Variants in SLCO6A1 observed in about 807,000 individuals in gnomAD.
SLCO6A1 encodes the protein cancer/testis antigen 48.
Under a neutral mutation model 72.7 loss-of-function variants are expected in SLCO6A1, and 65 were observed. The ratio of observed to expected loss-of-function variants is 0.89; its 90% CI spans 0.73 to 1.10. The LOEUF is 1.10. Ranked by LOEUF, SLCO6A1 falls within the 50% of genes least tolerant of loss-of-function variation. SLCO6A1 has a pLI of 0.00. For synonymous variants in SLCO6A1, 314 were observed against 298.2 expected (o/e 1.05, Z -0.55); for missense variants, 874 against 872.6 (o/e 1.00, Z -0.02).
chr5:102,389,457 C>CCAA (rs34181415), intron 11 of SLCO6A1, among the ~76,000 whole-genome samples: 1 of 83,404 alleles, frequency 1.2e-5, no homozygotes, highest in African/African-American at 4.7e-5. Flanking sequence ...CCCCCACCCC[C>CCAA]ACACACACAG....
intron 6 of SLCO6A1, among the ~76,000 whole-genome samples, chr5:102,443,712 A>G (rs1749961324): frequency 6.6e-6 from 1 of 152,226 alleles, no homozygotes; most frequent in Non-Finnish European, 1.5e-5. Context: ...TAAGAATGCC[A>G]TAGATTTCCT....
intron 4 of SLCO6A1, among the ~76,000 whole-genome samples, chr5:102,467,170 C>A (rs1420464035): frequency 6.6e-6 from 1 of 152,036 alleles, no homozygotes; most frequent in East Asian, 1.9e-4. Context: ...AGTCTTTAAT[C>A]CATCTTGAGT....
chr5:102,375,368 T>C (rs1479360938), intron 12 of SLCO6A1, among the ~76,000 whole-genome samples: 6 of 152,158 alleles, frequency 3.9e-5, no homozygotes, highest in African/African-American at 1.4e-4. Flanking sequence ...TAGCCACCAG[T>C]TGAGTCAGAA....
intron 1 of SLCO6A1, among the ~76,000 whole-genome samples, chr5:102,483,399 T>C (rs533595181): frequency 2.0e-5 from 3 of 152,258 alleles, no homozygotes; most frequent in South Asian, 2.1e-4. Context: ...ACTTCTACCA[T>C]TGAAAAATCA....
Position 102,388,681 on chromosome 5 carries a change from C to T in SLCO6A1, c.2017+7G>A, listed in dbSNP as rs1335607716. ...TTTCTCTAAGTTTTTTAATAAGTAT[C>T]ACTTACATATTCCTACCAATAAGAA... On this transcript the variant is annotated splice_region_variant and intron_variant, in intron 12 of 13. Transcript: ENST00000506729. 3 of 1,534,408 alleles carry T rather than the reference C, an allele frequency of 2.0e-6. No homozygotes were observed. Among genetic ancestry groups the T allele is most frequent in the Admixed American group, 4.3e-5 (2 of 46,118 alleles).
chr5:102,452,940 T>G (rs1440426981), intron 6 of SLCO6A1, among the ~76,000 whole-genome samples: 1 of 152,196 alleles, frequency 6.6e-6, no homozygotes, highest in African/African-American at 2.4e-5. Flanking sequence ...CCAAATGGCA[T>G]GAACCATGAG....
chr5:102,498,877 C>G lies in SLCO6A1; in HGVS notation c.-33G>C. Reference sequence around the variant, plus strand: ...CCTGGGCGGCTCCTGGCGACGCGGCCCGAGTGCTCTCGGCTGCCCGTCCTG... The same window carrying G: ...CCTGGGCGGCTCCTGGCGACGCGGCGCGAGTGCTCTCGGCTGCCCGTCCTG... On this transcript the variant is annotated 5_prime_UTR_variant, in exon 1 of 14. Transcript: ENST00000506729. The G allele has an allele frequency of 6.4e-7, 1 of 1,570,080 alleles. No individual in the cohort carries two copies. Among genetic ancestry groups the G allele is most frequent in the Non-Finnish European group, 8.6e-7 (1 of 1,159,974 alleles).
At chr5:102,446,184 T>C (rs10044030) in intron 6 of SLCO6A1, among the ~76,000 whole-genome samples, 71,857 of 152,096 alleles carry the variant, frequency 0.47, 18,707 homozygotes, top group Non-Finnish European at 0.57. Flanking sequence ...TTAACTATAT[T>C]GATTCTTCCT....
chr5:102,483,083 C>T lies in SLCO6A1; in HGVS notation c.359-2649G>A, dbSNP rs73191405. ...TCACTATAAATAAGACCCCATTGAA[C>T]AAGAGATAGAATGGCTAGGGAAAGA... On this transcript the variant is annotated intron_variant, in intron 1 of 13. Coordinates refer to ENST00000506729, the MANE Select transcript of SLCO6A1 (RefSeq NM_173488.5). Among the ~76,000 whole-genome samples the T allele has an allele frequency of 7.8e-3, 1,194 of 152,234 alleles. 16 individuals are homozygous for T. The highest frequency in any genetic ancestry group is 0.027 in the African/African-American group (1,137 of 41,536).
intron 12 of SLCO6A1, among the ~76,000 whole-genome samples, chr5:102,385,229 A>C (rs1340060272): frequency 6.6e-6 from 1 of 152,034 alleles, no homozygotes; most frequent in East Asian, 1.9e-4. Flanking sequence ...TGCTTTCAAA[A>C]TTCTCTCTTG....
chr5:102,469,749 G>C (rs975466200), intron 4 of SLCO6A1, among the ~76,000 whole-genome samples: 3 of 152,124 alleles, frequency 2.0e-5, no homozygotes, highest in African/African-American at 7.2e-5. Context: ...TTTTCAAAGG[G>C]AATGCTTCCA....
At chr5:102,391,217 T>C in intron 10 of SLCO6A1, 172 bp from the exon 11 acceptor site, 1 of 599,568 alleles carries the variant, frequency 1.7e-6, no homozygotes, top group Non-Finnish European at 2.9e-6. Flanking sequence ...ACTCCCCATT[T>C]CTCCATATCC....
At chr5:102,442,392 C>G (rs180716174) in intron 6 of SLCO6A1, among the ~76,000 whole-genome samples, 5 of 152,070 alleles carry the variant, frequency 3.3e-5, no homozygotes, top group Admixed American at 6.5e-5. Context: ...TATCTGTAAA[C>G]GAGAAACAAT....
intron 12 of SLCO6A1, among the ~76,000 whole-genome samples, chr5:102,383,095 A>ATGTATATATATATATAT (rs1554064835): frequency 4.7e-5 from 6 of 128,572 alleles, no homozygotes; most frequent in African/African-American, 1.8e-4. Context: ...TATGTGTGTG[A>ATGTATATATATATATAT]ATATATATAT....
chr5:102,406,298 C>A (rs1221962347), intron 9 of SLCO6A1, among the ~76,000 whole-genome samples: 1 of 151,692 alleles, frequency 6.6e-6, no homozygotes, highest in African/African-American at 2.4e-5. Context: ...ATAAAAATAG[C>A]AAAATAATGC....
intron 13 of SLCO6A1, 83 bp downstream of exon 13, chr5:102,373,254 T>C (rs1165693962): frequency 1.2e-6 from 1 of 863,726 alleles, no homozygotes; most frequent in Admixed American, 4.0e-5. Context: ...GCACATTTGT[T>C]AAACATGTAA....
intron 8 of SLCO6A1, among the ~76,000 whole-genome samples, chr5:102,416,532 C>T (rs1217512731): frequency 2.6e-5 from 4 of 151,874 alleles, no homozygotes; most frequent in Admixed American, 6.6e-5. Flanking sequence ...AACTTGTGTA[C>T]CCATAATTGT....
At chr5:102,457,268 A>C (rs919257440) in intron 6 of SLCO6A1, among the ~76,000 whole-genome samples, 3 of 116,836 alleles carry the variant, frequency 2.6e-5, no homozygotes, top group South Asian at 2.8e-4. Context: ...TAATTAAACT[A>C]AAGAGCTTCT....
intron 8 of SLCO6A1, among the ~76,000 whole-genome samples, chr5:102,417,402 C>G (rs1030929423): frequency 6.6e-6 from 1 of 151,664 alleles, no homozygotes; most frequent in East Asian, 1.9e-4. Context: ...TGTCCTATCT[C>G]TTTTTGTTCA....
Sources: allele counts gnomAD v4.1 joint callset (sites outside exome capture counted in the v4.1 genomes callset), GRCh38; gene constraint gnomAD v4.1.1; transcripts MANE v1.5; gene names NCBI Gene and HGNC (gene_info 2026-07-23, HGNC 2026-07-21).